The following TTC7B variants were observed in gnomAD, a reference collection of about 807,000 sequenced individuals.
TTC7B encodes the protein tetratricopeptide repeat protein 7B.
In TTC7B, 28 loss-of-function variants were observed where a neutral mutation model predicts 106.8. That is an observed-to-expected ratio of 0.26 (90% CI 0.19 to 0.36). The LOEUF is 0.36. TTC7B is among the 10% of genes least tolerant of loss of function. The probability of loss-of-function intolerance (pLI) is 1.00; values close to 1 mark genes in which losing one functional copy is unlikely to be tolerated. For synonymous variants in TTC7B, 405 were observed against 430.6 expected (o/e 0.94, Z 0.74); for missense variants, 862 against 1,076.4 (o/e 0.80, Z 2.79).
intron 19 of TTC7B, among the ~76,000 whole-genome samples, chr14:90,567,988 C>T (rs1890869726): frequency 6.6e-6 from 1 of 152,178 alleles, no homozygotes; most frequent in Non-Finnish European, 1.5e-5. Flanking sequence ...TGACACGGCC[C>T]AAAGAGAGCC....
At chr14:90,719,347 A>G (rs1283942573) in intron 5 of TTC7B, among the ~76,000 whole-genome samples, 4 of 152,224 alleles carry the variant, frequency 2.6e-5, no homozygotes, top group African/African-American at 4.8e-5. Flanking sequence ...AAGCCTAAAA[A>G]GATAAAATGT....
At chr14:90,631,215 G>A (rs576153097) in intron 15 of TTC7B, among the ~76,000 whole-genome samples, 2 of 152,122 alleles carry the variant, frequency 1.3e-5, no homozygotes, top group African/African-American at 2.4e-5. Context: ...TTCATTGATA[G>A]GCACTTGGCT....
chr14:90,567,541 A>G (rs991840491), intron 19 of TTC7B: 9 of 152,194 alleles, frequency 5.9e-5, no homozygotes, highest in African/African-American at 2.2e-4. Flanking sequence ...TCTCTAGGGC[A>G]GCGTTAGCCC....
chr14:90,688,580 G>A (rs1016023898), intron 7 of TTC7B, among the ~76,000 whole-genome samples: 42 of 137,214 alleles, frequency 3.1e-4, no homozygotes, highest in African/African-American at 1.1e-3. Flanking sequence ...CCAACATCAC[G>A]CCACTGCACT....
chr14:90,797,425 T>G (rs1270762130), intron 1 of TTC7B, among the ~76,000 whole-genome samples: 1 of 150,150 alleles, frequency 6.7e-6, no homozygotes, highest in African/African-American at 2.4e-5. Flanking sequence ...TCCACTGTAC[T>G]CCAGCCTGGG....
intron 18 of TTC7B, among the ~76,000 whole-genome samples, chr14:90,592,920 G>A (rs886897750): frequency 6.6e-6 from 1 of 152,008 alleles, no homozygotes; most frequent in Non-Finnish European, 1.5e-5. Context: ...GGATCATAGG[G>A]CACCAAACAC....
intron 3 of TTC7B, among the ~76,000 whole-genome samples, chr14:90,779,232 T>C (rs1007935738): frequency 3.9e-5 from 6 of 152,252 alleles, no homozygotes; most frequent in African/African-American, 1.4e-4. Flanking sequence ...TGGCCTGAAG[T>C]GACCTCTCCG....
intron 15 of TTC7B, among the ~76,000 whole-genome samples, chr14:90,641,921 TTGTGTGTGTGTGCGTGTGTGTGTG>T (rs1885189415): frequency 7.2e-6 from 1 of 139,218 alleles, no homozygotes; most frequent in South Asian, 2.4e-4. Flanking sequence ...ATGAAAGAGC[TTGTGTGTGTGTGCGTGTGTGTGTG>T]TGTGTGTGTG....
chr14:90,810,058 G>T (rs2030814405), intron 1 of TTC7B, among the ~76,000 whole-genome samples: 1 of 152,150 alleles, frequency 6.6e-6, no homozygotes, highest in Non-Finnish European at 1.5e-5. Context: ...TGAAATCCAG[G>T]ACTCTCTAAA....
In TTC7B at chr14:90,663,974, G is replaced by A. The variant is rs887245566; in HGVS notation, c.1153-5587C>T. Among the ~76,000 whole-genome samples, 27 of 152,196 alleles carry A rather than the reference G, an allele frequency of 1.8e-4. No homozygotes were observed. The highest frequency in any genetic ancestry group is 2.6e-4 in the African/African-American group (11 of 41,510). ...ATAACATGTCCTCCCCTATGTTTCT[G>A]TAAACATGAAGATTACATAAACCCC... On this transcript the variant is annotated intron_variant, in intron 9 of 19. Coordinates refer to ENST00000328459, the MANE Select transcript of TTC7B (RefSeq NM_001010854.2). The surrounding 1 kb of genome is among the most constrained non-coding windows in gnomAD (Gnocchi z 4.5).
intron 17 of TTC7B, among the ~76,000 whole-genome samples, chr14:90,609,538 A>C (rs1047272073): frequency 1.3e-4 from 20 of 152,280 alleles, no homozygotes; most frequent in South Asian, 1.2e-3. Flanking sequence ...CTGGCAGTGC[A>C]AGACTCAGAG....
chr14:90,549,605 C>T (rs1444613984), intron 19 of TTC7B, among the ~76,000 whole-genome samples: 2 of 152,106 alleles, frequency 1.3e-5, no homozygotes, highest in Admixed American at 6.5e-5. Flanking sequence ...CATGGAGGGA[C>T]CTGGCTGGCC....
intron 3 of TTC7B, among the ~76,000 whole-genome samples, chr14:90,745,428 A>G (rs1889929632): frequency 6.6e-6 from 1 of 152,312 alleles, no homozygotes; most frequent in Admixed American, 6.5e-5. Flanking sequence ...TTTTTCTTAG[A>G]CGCCCTTTAC....
At chr14:90,612,607 T>G (rs1192808442) in intron 16 of TTC7B, among the ~76,000 whole-genome samples, 2 of 152,222 alleles carry the variant, frequency 1.3e-5, no homozygotes, top group East Asian at 3.9e-4. Flanking sequence ...CTGTCACTAA[T>G]GAGGAGGTCA....
At chr14:90,676,832 G>C (rs147904680) in intron 8 of TTC7B, among the ~76,000 whole-genome samples, 172 bp from the exon 9 acceptor site, 1 of 152,110 alleles carries the variant, frequency 6.6e-6, no homozygotes, top group Non-Finnish European at 1.5e-5. Context: ...CCTGGGCACC[G>C]CAGAACATGA....
rs149384902 is a variant in TTC7B at position 90,689,889 on chromosome 14, A to G, written c.778-177T>C. On this transcript the variant is annotated intron_variant, in intron 6 of 19. Transcript: ENST00000328459. ...ACCAGTTTATGACAAGAAAGAAAAGAAAATATGATTCACTAAGATGTTTGA... is the reference window on the plus strand; with the variant it reads ...ACCAGTTTATGACAAGAAAGAAAAGGAAATATGATTCACTAAGATGTTTGA... Among the ~76,000 whole-genome samples, 11 of 152,354 alleles carry G rather than the reference A, an allele frequency of 7.2e-5. No individual in the cohort carries two copies. The East Asian group carries it at 2.1e-3, about 29-fold the overall frequency.
chr14:90,722,232 C>T (rs1888924713), intron 5 of TTC7B, among the ~76,000 whole-genome samples: 1 of 152,178 alleles, frequency 6.6e-6, no homozygotes, highest in African/African-American at 2.4e-5. Context: ...CTCACACAGA[C>T]TCCCTCCTGG....
intron 9 of TTC7B, among the ~76,000 whole-genome samples, chr14:90,662,877 T>C (rs1390553712): frequency 2.0e-5 from 3 of 152,190 alleles, no homozygotes; most frequent in Non-Finnish European, 4.4e-5. Flanking sequence ...CCAGATTCAA[T>C]GTATGAAAAC....
chr14:90,652,945 T>C, intron 12 of TTC7B, 47 bp from the exon 13 acceptor site: 3 of 1,599,350 alleles, frequency 1.9e-6, no homozygotes, highest in Non-Finnish European at 2.6e-6. Context: ...ATCAGGGAAT[T>C]TTGACAAATA....
Sources: allele counts gnomAD v4.1 joint callset (sites outside exome capture counted in the v4.1 genomes callset), GRCh38; gene constraint gnomAD v4.1.1; non-coding constraint Gnocchi (gnomAD v3.1); transcripts MANE v1.5; gene names NCBI Gene and HGNC (gene_info 2026-07-23, HGNC 2026-07-21).